Variants in ABCD3 observed in about 807,000 individuals in gnomAD.
The protein encoded by ABCD3 is ATP binding cassette subfamily D member 3, also known as ATP-binding cassette sub-family D member 3.
In ABCD3, 41 loss-of-function variants were observed where a neutral mutation model predicts 105.5. That is an observed-to-expected ratio of 0.39 (90% CI 0.30 to 0.50). The LOEUF is 0.50. Among genes scored for constraint, ABCD3 ranks in the 20% least tolerant of loss-of-function variants. ABCD3 has a pLI of 0.84. For synonymous variants in ABCD3, 258 were observed against 269.0 expected (o/e 0.96, Z 0.40); for missense variants, 622 against 806.3 (o/e 0.77, Z 2.77).
At chr1:94,503,236 T>C (rs766986347) in intron 20 of ABCD3, among the ~76,000 whole-genome samples, 2 of 152,076 alleles carry the variant, frequency 1.3e-5, no homozygotes, top group African/African-American at 2.4e-5. Context: ...GAGAGACACA[T>C]GTTGAGAAAA....
chr1:94,484,478 C>G (rs555326021), intron 10 of ABCD3, among the ~76,000 whole-genome samples: 1 of 152,296 alleles, frequency 6.6e-6, no homozygotes, highest in East Asian at 1.9e-4. Context: ...GAGTTCATGT[C>G]CTTTGTGGGG....
At chr1:94,509,920 T>C (rs1650576756) in intron 21 of ABCD3, among the ~76,000 whole-genome samples, 1 of 152,206 alleles carries the variant, frequency 6.6e-6, no homozygotes, top group African/African-American at 2.4e-5. Flanking sequence ...ATCAATTTTG[T>C]TGATCCTTTC....
intron 16 of ABCD3, among the ~76,000 whole-genome samples, chr1:94,494,725 T>C (rs1369746242): frequency 6.6e-6 from 1 of 152,132 alleles, no homozygotes; most frequent in African/African-American, 2.4e-5. Flanking sequence ...CATTATAAAC[T>C]CCCCAGTACA....
intron 1 of ABCD3, among the ~76,000 whole-genome samples, chr1:94,447,909 A>G (rs967263086): frequency 6.6e-6 from 1 of 152,200 alleles, no homozygotes; most frequent in Non-Finnish European, 1.5e-5. Flanking sequence ...AGGCATTCCT[A>G]CCTATGCCAT....
intron 4 of ABCD3, chr1:94,472,085 T>C (rs1207768739): frequency 3.1e-6 from 1 of 325,904 alleles, no homozygotes; most frequent in African/African-American, 2.2e-5. Context: ...ATTACCAAAC[T>C]CTCTTTTATA....
chr1:94,512,659 C>G (rs1273354075), intron 21 of ABCD3, among the ~76,000 whole-genome samples: 2 of 151,916 alleles, frequency 1.3e-5, no homozygotes, highest in Non-Finnish European at 2.9e-5. Context: ...CAATATTTTA[C>G]CAAAGCTGCT....
At chr1:94,485,099 G>A (rs1051609402) in intron 10 of ABCD3, among the ~76,000 whole-genome samples, 33 of 152,168 alleles carry the variant, frequency 2.2e-4, no homozygotes, top group African/African-American at 7.7e-4. Context: ...TAGCAGGCTA[G>A]ATTTGGACTA....
At chr1:94,393,579 C>T in the ABCD3 span, among the ~76,000 whole-genome samples, 1 of 151,948 alleles carries the variant, frequency 6.6e-6, no homozygotes, top group East Asian at 1.9e-4. Context: ...GAGGAGGTTG[C>T]AGTGAGCTGA....
intron 2 of ABCD3, among the ~76,000 whole-genome samples, chr1:94,460,004 C>T (rs570337114): frequency 1.1e-4 from 16 of 152,226 alleles, no homozygotes; most frequent in South Asian, 4.1e-4. Context: ...ATCAGTTCAT[C>T]AGTTGGTGGA....
chr1:94,392,651 A>G, the ABCD3 span, among the ~76,000 whole-genome samples: 12 of 152,138 alleles, frequency 7.9e-5, no homozygotes, highest in African/African-American at 2.7e-4. Flanking sequence ...ATCTTTCCCA[A>G]TGATGCGGGT....
intron 1 of ABCD3, among the ~76,000 whole-genome samples, chr1:94,421,306 A>C (rs1228558334): frequency 1.3e-5 from 2 of 152,158 alleles, no homozygotes; most frequent in African/African-American, 4.8e-5. Flanking sequence ...TGGATACACT[A>C]TGTAACACAT....
At chr1:94,458,706 T>C in intron 2 of ABCD3, 63 bp downstream of exon 2, 14 of 1,499,892 alleles carry the variant, frequency 9.3e-6, no homozygotes, top group Non-Finnish European at 1.3e-5. Context: ...TTTTGTCATA[T>C]GATTCTGATT....
At chr1:94,440,408 T>C (rs1350429933) in intron 1 of ABCD3, among the ~76,000 whole-genome samples, 1 of 152,242 alleles carries the variant, frequency 6.6e-6, no homozygotes, top group Non-Finnish European at 1.5e-5. Context: ...ATTCTGTTCC[T>C]TGCAGTTTCT....
the ABCD3 span, among the ~76,000 whole-genome samples, chr1:94,408,045 T>C: frequency 2.6e-5 from 4 of 152,228 alleles, no homozygotes; most frequent in African/African-American, 7.2e-5. Flanking sequence ...ATTTATTACT[T>C]GGCCCTTTGC....
intron 20 of ABCD3, among the ~76,000 whole-genome samples, chr1:94,501,960 T>A (rs1186480780): frequency 6.6e-6 from 1 of 152,076 alleles, no homozygotes; most frequent in Admixed American, 6.6e-5. Flanking sequence ...TCCCTTTCCT[T>A]ACAATTGTTC....
intron 16 of ABCD3, among the ~76,000 whole-genome samples, chr1:94,494,831 A>G (rs1024774622): frequency 1.3e-5 from 2 of 152,196 alleles, no homozygotes; most frequent in African/African-American, 4.8e-5. Context: ...GGGGATTAAA[A>G]TAGTACTTTG....
intron 1 of ABCD3, among the ~76,000 whole-genome samples, chr1:94,448,233 A>G (rs141782409): frequency 2.0e-5 from 3 of 152,232 alleles, no homozygotes; most frequent in African/African-American, 7.2e-5. Context: ...GTTAGATTAC[A>G]TGGATATGAT....
At chr1:94,404,172 C>T in the ABCD3 span, among the ~76,000 whole-genome samples, 2 of 152,086 alleles carry the variant, frequency 1.3e-5, no homozygotes, top group African/African-American at 4.8e-5. Context: ...GTCCCTTCTT[C>T]GTCAGTGATA....
At chr1:94,424,764 CT>C (rs1265846691) in intron 1 of ABCD3, among the ~76,000 whole-genome samples, 1 of 152,192 alleles carries the variant, frequency 6.6e-6, no homozygotes, top group African/African-American at 2.4e-5. Flanking sequence ...CTTTACTTTT[CT>C]CCTTAGCACT....
Sources: allele counts gnomAD v4.1 joint callset (sites outside exome capture counted in the v4.1 genomes callset), GRCh38; gene constraint gnomAD v4.1.1; transcripts MANE v1.5; gene names NCBI Gene and HGNC (gene_info 2026-07-23, HGNC 2026-07-21).